The following PKHD1 variants were observed in gnomAD, a reference collection of about 807,000 sequenced individuals.
PKHD1 encodes PKHD1 ciliary IPT domain containing fibrocystin/polyductin, also known as fibrocystin.
Under a neutral mutation model 412.0 loss-of-function variants are expected in PKHD1, and 291 were observed. That is an observed-to-expected ratio of 0.71 (90% CI 0.64 to 0.78). The LOEUF (loss-of-function observed/expected upper bound fraction) is 0.78. Ranked by LOEUF, PKHD1 falls within the 30% of genes least tolerant of loss-of-function variation. The probability of loss-of-function intolerance (pLI) is 0.00; values close to 1 mark genes in which losing one functional copy is unlikely to be tolerated. For synonymous variants in PKHD1, 1,777 were observed against 1,821.5 expected (o/e 0.98, Z 0.62); for missense variants, 4,825 against 4,950.7 (o/e 0.97, Z 0.76).
At chr6:51,960,108 T>C in intron 35 of PKHD1, 82 bp from the exon 36 acceptor site, 1 of 1,328,306 alleles carries the variant, frequency 7.5e-7, no homozygotes. Context: ...GCTGGTTTGT[T>C]GGTTTGTTGG....
At chr6:51,910,951 T>A (rs1782850435) in intron 39 of PKHD1, among the ~76,000 whole-genome samples, 1 of 152,084 alleles carries the variant, frequency 6.6e-6, no homozygotes, top group Non-Finnish European at 1.5e-5. Flanking sequence ...CCAGCTCCCT[T>A]TGACCTTTCT....
At position 51,714,262 on chromosome 6, in the gene PKHD1, C is replaced by T. The variant is rs150425890; in HGVS notation, c.10156+30123G>A. Among the ~76,000 whole-genome samples the T allele has an allele frequency of 8.4e-3, 1,284 of 152,110 alleles. 22 individuals carry two copies. Among genetic ancestry groups the T allele is most frequent in the South Asian group, 0.061 (292 of 4,818 alleles). On this transcript the variant is annotated intron_variant, in intron 60 of 66. Coordinates refer to ENST00000371117, the MANE Select transcript of PKHD1 (RefSeq NM_138694.4). Reference sequence around the variant, plus strand: ...GCACACGCCAGTAGTTCCACCTACTCGGGAGGCTGAGGCAGGAGAGTTGCT... The same window carrying T: ...GCACACGCCAGTAGTTCCACCTACTTGGGAGGCTGAGGCAGGAGAGTTGCT...
intron 60 of PKHD1, among the ~76,000 whole-genome samples, chr6:51,714,265 G>T (rs1017195104): frequency 6.6e-6 from 1 of 152,150 alleles, no homozygotes; most frequent in South Asian, 2.1e-4. Context: ...ACCTACTCGG[G>T]AGGCTGAGGC....
At chr6:51,885,607 T>C (rs2127550836) in intron 45 of PKHD1, among the ~76,000 whole-genome samples, 1 of 152,300 alleles carries the variant, frequency 6.6e-6, no homozygotes, top group South Asian at 2.1e-4. Context: ...GATTCTGTTG[T>C]TCTCTTCTAG....
intron 52 of PKHD1, among the ~76,000 whole-genome samples, chr6:51,808,725 T>C (rs1195835798): frequency 6.6e-6 from 1 of 152,146 alleles, no homozygotes; most frequent in Non-Finnish European, 1.5e-5. Context: ...TCTCATTTTA[T>C]CTTCATATTT....
intron 61 of PKHD1, among the ~76,000 whole-genome samples, chr6:51,654,119 T>C (rs900438306): frequency 1.4e-4 from 21 of 152,182 alleles, no homozygotes; most frequent in African/African-American, 4.8e-4. Flanking sequence ...ATGTGATATA[T>C]TGAATGATAA....
At chr6:51,897,920 C>T (rs989904559) in intron 43 of PKHD1, among the ~76,000 whole-genome samples, 3 of 152,038 alleles carry the variant, frequency 2.0e-5, no homozygotes, top group African/African-American at 7.3e-5. Context: ...ACAAAGAAGA[C>T]CATTACATAA....
intron 60 of PKHD1, among the ~76,000 whole-genome samples, chr6:51,740,847 T>C (rs1458754988): frequency 6.6e-6 from 1 of 152,204 alleles, no homozygotes; most frequent in Non-Finnish European, 1.5e-5. Context: ...GGACACAGAT[T>C]GTATTTTTAG....
intron 35 of PKHD1, among the ~76,000 whole-genome samples, chr6:51,960,720 G>A (rs1275219493): frequency 6.6e-6 from 1 of 152,140 alleles, no homozygotes; most frequent in Non-Finnish European, 1.5e-5. Context: ...CAAGTAAATA[G>A]TCTGGAACAT....
chr6:51,981,097 A>G (rs1795085407), intron 35 of PKHD1, among the ~76,000 whole-genome samples: 1 of 152,092 alleles, frequency 6.6e-6, no homozygotes, highest in Admixed American at 6.5e-5. Context: ...TTTGGAACAC[A>G]TGCCTGCCTC....
chr6:51,752,896 G>A (rs1472052078), intron 57 of PKHD1, among the ~76,000 whole-genome samples: 1 of 152,172 alleles, frequency 6.6e-6, no homozygotes, highest in African/African-American at 2.4e-5. Flanking sequence ...TCAGGAAAGA[G>A]ATAAAATTGA....
In PKHD1 at chr6:51,981,322, C is replaced by G. The variant is rs578140853; in HGVS notation, c.5752-21296G>C. Among the ~76,000 whole-genome samples the G allele has an allele frequency of 8.5e-4, 14 of 16,528 alleles. 1 individual carries two copies. Among genetic ancestry groups the G allele is most frequent in the East Asian group, 7.2e-3 (6 of 836 alleles). 10.8% of individuals were successfully genotyped at this position (16,528 alleles called of 152,430 possible). On this transcript the variant is annotated intron_variant, in intron 35 of 66. Transcript: ENST00000371117. ...CTCCAAAGCTCAAGCTCTCCCTCTC[C>G]CTCTCCCTCTCCCTCTCCCTCTCCC...
At chr6:51,835,463 C>T (rs920644564) in intron 51 of PKHD1, among the ~76,000 whole-genome samples, 3 of 152,086 alleles carry the variant, frequency 2.0e-5, no homozygotes, top group Admixed American at 1.3e-4. Context: ...ACTGACATCC[C>T]CAAGAGATCA....
At chr6:51,804,369 G>T in intron 52 of PKHD1, among the ~76,000 whole-genome samples, 1 of 108,402 alleles carries the variant, frequency 9.2e-6, no homozygotes, top group African/African-American at 3.5e-5. Flanking sequence ...TGGGGGGGGG[G>T]GGGGCGGTAA....
At chr6:51,730,090 T>C (rs547739758) in intron 60 of PKHD1, among the ~76,000 whole-genome samples, 160 of 152,302 alleles carry the variant, frequency 1.1e-3, no homozygotes, top group African/African-American at 3.7e-3. Context: ...TTTCAGTTGG[T>C]TTGTTCCTTT....
chr6:51,893,250 T>C (rs573766262), intron 43 of PKHD1, among the ~76,000 whole-genome samples: 1 of 152,346 alleles, frequency 6.6e-6, no homozygotes, highest in African/African-American at 2.4e-5. Flanking sequence ...TTAAAAAATA[T>C]ATTCCAAGGA....
chr6:52,012,687 T>A (rs1460433403), intron 34 of PKHD1, among the ~76,000 whole-genome samples: 1 of 152,254 alleles, frequency 6.6e-6, no homozygotes, highest in Non-Finnish European at 1.5e-5. Context: ...GAGGCTTGCA[T>A]CAGGCCACTT....
At chr6:51,784,150 C>T (rs1792488433) in intron 53 of PKHD1, among the ~76,000 whole-genome samples, 1 of 152,042 alleles carries the variant, frequency 6.6e-6, no homozygotes, top group African/African-American at 2.4e-5. Flanking sequence ...ATATCATTAC[C>T]GAATGCAGTA....
At chr6:51,715,304 GGT>G (rs1328658419) in intron 60 of PKHD1, among the ~76,000 whole-genome samples, 16 of 151,682 alleles carry the variant, frequency 1.1e-4, no homozygotes, top group African/African-American at 3.9e-4. Flanking sequence ...GGGAAAGTCA[GGT>G]ATTCCCAACT....
Sources: allele counts gnomAD v4.1 joint callset (sites outside exome capture counted in the v4.1 genomes callset), GRCh38; gene constraint gnomAD v4.1.1; transcripts MANE v1.5; gene names NCBI Gene and HGNC (gene_info 2026-07-23, HGNC 2026-07-21).